The following FECH variants were observed in gnomAD, a reference collection of about 807,000 sequenced individuals.
FECH encodes the protein ferrochelatase.
FECH carries 40 observed loss-of-function variants against 56.9 expected under a neutral mutation model. That is an observed-to-expected ratio of 0.70 (90% CI 0.55 to 0.92). FECH has a LOEUF of 0.92. Ranked by LOEUF, FECH falls within the 40% of genes least tolerant of loss-of-function variation. The pLI is 0.00. For missense variants in FECH, 431 were observed against 529.1 expected, an observed-to-expected ratio of 0.81 and a Z score of 1.82; for synonymous variants, 175 against 198.6, an observed-to-expected ratio of 0.88 and a Z score of 1.00.
At chr18:57,567,474 T>C (rs997588167) in intron 4 of FECH, among the ~76,000 whole-genome samples, 6 of 152,254 alleles carry the variant, frequency 3.9e-5, no homozygotes, top group African/African-American at 1.4e-4. Context: ...TATAAAGTCA[T>C]AAAACTACAA....
At chr18:57,580,676 C>A (rs904331227) in intron 1 of FECH, among the ~76,000 whole-genome samples, 2 of 152,178 alleles carry the variant, frequency 1.3e-5, no homozygotes, top group Admixed American at 1.3e-4. Context: ...GAACCCAGTA[C>A]TGCCCTTGAA....
At chr18:57,574,057 T>G (rs977098717) in intron 2 of FECH, among the ~76,000 whole-genome samples, 2 of 152,232 alleles carry the variant, frequency 1.3e-5, no homozygotes, top group African/African-American at 4.8e-5. Context: ...CAGGCTGGAG[T>G]GCAGTGGTGC....
At chr18:57,571,814 G>T (rs1414441875) in intron 3 of FECH, among the ~76,000 whole-genome samples, 1 of 152,204 alleles carries the variant, frequency 6.6e-6, no homozygotes, top group African/African-American at 2.4e-5. Context: ...CACCCATGCA[G>T]AGAAACCTGG....
rs1348665894 is a variant in FECH, at chr18:57,548,501, T to C, written c.*2211A>G. ...ATCAATTAAAAGCCAGATCCGTATA[T>C]ACACAGCTGAAGAAACTGCCAGCAG... On this transcript the variant is annotated 3_prime_UTR_variant, in exon 11 of 11. Transcript: ENST00000262093. The C allele has an allele frequency of 1.3e-5, 2 of 152,224 alleles. No individual in the cohort carries two copies. Among genetic ancestry groups the C allele is most frequent in the Admixed American group, 1.3e-4 (2 of 15,278 alleles). 9.4% of individuals were successfully genotyped at this position (152,224 alleles called of 1,614,324 possible).
intron 7 of FECH, among the ~76,000 whole-genome samples, chr18:57,555,212 G>A (rs983653951): frequency 2.0e-5 from 3 of 152,154 alleles, no homozygotes; most frequent in Non-Finnish European, 2.9e-5. Context: ...ATTCATGGGG[G>A]ACTCACAAGA....
In FECH at chr18:57,544,583, C is replaced by T. The variant is rs1002887426; in HGVS notation, c.*6129G>A. 2.0e-5 allele frequency among the ~76,000 whole-genome samples: 3 copies of T among 152,212 alleles called. No homozygotes were observed. Among genetic ancestry groups the T allele is most frequent in the African/African-American group, 7.2e-5 (3 of 41,450 alleles). On this transcript the variant is annotated 3_prime_UTR_variant, in exon 11 of 11. Transcript: ENST00000262093. ...GCAATTGATCAACAAGTATAGTTCACACATATCGACATTTTGTTTACATTC... is the reference window on the plus strand; with the variant it reads ...GCAATTGATCAACAAGTATAGTTCATACATATCGACATTTTGTTTACATTC...
chr18:57,584,107 G>C (rs2051327808), intron 1 of FECH, among the ~76,000 whole-genome samples: 1 of 151,840 alleles, frequency 6.6e-6, no homozygotes, highest in South Asian at 2.1e-4. Context: ...TTGAACCTGG[G>C]AGGCGGAGGT....
intron 1 of FECH, among the ~76,000 whole-genome samples, chr18:57,583,979 G>A (rs2051325147): frequency 6.6e-6 from 1 of 152,132 alleles, no homozygotes; most frequent in Admixed American, 6.5e-5. Flanking sequence ...AGGAGATAGA[G>A]ATCATCCTGG....
At chr18:57,552,347 T>A (rs1228719071) in intron 9 of FECH, among the ~76,000 whole-genome samples, 2 of 152,094 alleles carry the variant, frequency 1.3e-5, no homozygotes, top group African/African-American at 4.8e-5. Flanking sequence ...CCTTTTCTTT[T>A]GATAGCTTTT....
chr18:57,551,195 T>G, intron 10 of FECH, 120 bp downstream of exon 10: 1 of 785,092 alleles, frequency 1.3e-6, no homozygotes, highest in South Asian at 1.6e-5. Context: ...GATTTTATTT[T>G]TGTAATTAAT....
In FECH at chr18:57,548,652, G is replaced by A. The variant is rs886053984; in HGVS notation, c.*2060C>T. 8 of 152,188 alleles carry A rather than the reference G, an allele frequency of 5.3e-5. No individual in the cohort carries two copies. Among genetic ancestry groups the A allele is most frequent in the Non-Finnish European group, 1.0e-4 (7 of 68,040 alleles). The allele number at this position is 152,188 out of a possible 1,614,324, so 9.4% of individuals were successfully genotyped here. Reference sequence around the variant, plus strand: ...CCTAATGTATGACCGTTACCCATCCGTGGTTAGTAACAATCAAAGGCAACA... The same window carrying A: ...CCTAATGTATGACCGTTACCCATCCATGGTTAGTAACAATCAAAGGCAACA... On this transcript the variant is annotated 3_prime_UTR_variant, in exon 11 of 11. Transcript: ENST00000262093.
chr18:57,553,088 T>A (rs1479139831), intron 9 of FECH, among the ~76,000 whole-genome samples: 1 of 152,154 alleles, frequency 6.6e-6, no homozygotes, highest in Non-Finnish European at 1.5e-5. Flanking sequence ...TCATAATAAA[T>A]TTAAAATAAA....
intron 9 of FECH, among the ~76,000 whole-genome samples, chr18:57,553,710 A>G (rs768841843): frequency 6.6e-6 from 1 of 152,244 alleles, no homozygotes; most frequent in Non-Finnish European, 1.5e-5. Context: ...TGATCACAAC[A>G]TAACAGCAAA....
At chr18:57,563,589 A>C (rs1200187516) in intron 5 of FECH, among the ~76,000 whole-genome samples, 6 of 150,690 alleles carry the variant, frequency 4.0e-5, no homozygotes, top group Non-Finnish European at 7.4e-5. Context: ...CCAAAAAAAA[A>C]AAAAAAAAAA....
intron 2 of FECH, among the ~76,000 whole-genome samples, chr18:57,574,978 C>T (rs2051164074): frequency 6.6e-6 from 1 of 152,146 alleles, no homozygotes; most frequent in East Asian, 1.9e-4. Flanking sequence ...CCATTAAAGC[C>T]ACTCCCTGTT....
chr18:57,579,289 ATGTGTG>A (rs71171043), intron 2 of FECH, among the ~76,000 whole-genome samples: 2 of 141,918 alleles, frequency 1.4e-5, no homozygotes, highest in East Asian at 2.0e-4. Flanking sequence ...GTGTGTATAT[ATGTGTG>A]TGTGTGTGTG....
intron 1 of FECH, among the ~76,000 whole-genome samples, chr18:57,584,519 C>G (rs1378488478): frequency 6.6e-6 from 1 of 151,584 alleles, no homozygotes; most frequent in Non-Finnish European, 1.5e-5. Context: ...TCTTCAAAAC[C>G]AAATTAATAT....
chr18:57,558,690 C>T (rs184577166), intron 7 of FECH, among the ~76,000 whole-genome samples: 64 of 152,266 alleles, frequency 4.2e-4, no homozygotes, highest in African/African-American at 1.2e-3. Context: ...GAGGCCTGGG[C>T]GGGTGGATCA....
chr18:57,562,260 A>G (rs2050954910), intron 6 of FECH, among the ~76,000 whole-genome samples: 1 of 152,228 alleles, frequency 6.6e-6, no homozygotes, highest in Non-Finnish European at 1.5e-5. Context: ...CATATTTGAC[A>G]GGCAGAAAAG....
Sources: gnomAD v4.1 joint callset for allele counts (sites outside exome capture counted in the v4.1 genomes callset) on GRCh38, gnomAD v4.1.1 for gene constraint, MANE v1.5 for transcripts, NCBI Gene and HGNC (gene_info 2026-07-23, HGNC 2026-07-21) for gene names.